Variants in INPP4A observed in about 807,000 individuals in gnomAD.
The protein encoded by INPP4A is inositol polyphosphate-4-phosphatase type I A.
A neutral mutation model predicts 119.8 loss-of-function variants in INPP4A; 33 were observed. That is an observed-to-expected ratio of 0.28 (90% CI 0.21 to 0.37). The LOEUF (loss-of-function observed/expected upper bound fraction) is 0.37. Ranked by LOEUF, INPP4A falls within the 10% of genes least tolerant of loss-of-function variation. The pLI is 1.00. For synonymous variants in INPP4A, 496 were observed against 500.7 expected (o/e 0.99, Z 0.12); for missense variants, 956 against 1,289.9 (o/e 0.74, Z 3.97).
chr2:98,448,370 A>T (rs986849072), intron 1 of INPP4A, among the ~76,000 whole-genome samples: 10 of 151,940 alleles, frequency 6.6e-5, no homozygotes, highest in Non-Finnish European at 1.0e-4. Flanking sequence ...AAAAAAAAAA[A>T]AAAATCATGA....
intron 16 of INPP4A, among the ~76,000 whole-genome samples, chr2:98,559,046 G>A (rs915349321): frequency 6.6e-6 from 1 of 152,224 alleles, no homozygotes; most frequent in Non-Finnish European, 1.5e-5. Context: ...GGAACACGCC[G>A]TGTACTGGTC....
intron 1 of INPP4A, among the ~76,000 whole-genome samples, chr2:98,497,944 T>C (rs1168071200): frequency 6.6e-6 from 1 of 152,236 alleles, no homozygotes; most frequent in Non-Finnish European, 1.5e-5. Context: ...TGCACCCCCA[T>C]TGTATCTAGA....
chr2:98,568,655 T>C lies in INPP4A; in HGVS notation c.2505T>C (p.Val835=), dbSNP rs756120796. 1 of 1,579,118 alleles carries C rather than the reference T, an allele frequency of 6.3e-7. No homozygotes were observed. Among genetic ancestry groups the C allele is most frequent in the African/African-American group, 1.3e-5 (1 of 74,478 alleles). The change falls in exon 22 of 25, where the codon GTT becomes GTC. Residue 835 remains valine, a synonymous_variant. Coordinates refer to ENST00000409851, the MANE Select transcript of INPP4A (RefSeq NM_001134225.2). ...LNSYFEQFKE[V]LPEDCLPRSR... ...CCTACTTTGAGCAGTTTAAGGAAGTTTTGCCTGAGGATTGTAAGTATTTCT... is the reference window on the plus strand; with the variant it reads ...CCTACTTTGAGCAGTTTAAGGAAGTCTTGCCTGAGGATTGTAAGTATTTCT...
At chr2:98,446,685 A>C (rs1694248889) in intron 1 of INPP4A, among the ~76,000 whole-genome samples, 1 of 152,160 alleles carries the variant, frequency 6.6e-6, no homozygotes, top group African/African-American at 2.4e-5. Flanking sequence ...CTTACTCATC[A>C]TGTAGCTACT....
At chr2:98,446,176 G>T (rs1694159631) in intron 1 of INPP4A, among the ~76,000 whole-genome samples, 1 of 152,208 alleles carries the variant, frequency 6.6e-6, no homozygotes, top group Non-Finnish European at 1.5e-5. Flanking sequence ...TTTTTGCTGA[G>T]TTTGTTTTGG....
chr2:98,576,727 A>G (rs1311037960), intron 23 of INPP4A, among the ~76,000 whole-genome samples: 9 of 152,230 alleles, frequency 5.9e-5, no homozygotes, highest in Admixed American at 5.9e-4. Context: ...AAGGCAGGCC[A>G]CACAGGGGAT....
intron 4 of INPP4A, among the ~76,000 whole-genome samples, chr2:98,522,283 T>A: frequency 7.3e-6 from 1 of 137,550 alleles, no homozygotes. Context: ...CGAGACTCTG[T>A]CTCAAAAAAA....
At chr2:98,497,882 C>G (rs1490505193) in intron 1 of INPP4A, among the ~76,000 whole-genome samples, 2 of 152,176 alleles carry the variant, frequency 1.3e-5, no homozygotes, top group Non-Finnish European at 2.9e-5. Flanking sequence ...CCGGTAGCCC[C>G]TTTATTTTGG....
chr2:98,491,401 G>A (rs938540984), intron 1 of INPP4A, among the ~76,000 whole-genome samples: 1 of 152,170 alleles, frequency 6.6e-6, no homozygotes. Flanking sequence ...CTCACCATTG[G>A]CTCTTCTTTT....
intron 10 of INPP4A, among the ~76,000 whole-genome samples, chr2:98,542,346 A>G (rs1378839233): frequency 6.6e-6 from 1 of 152,260 alleles, no homozygotes; most frequent in Non-Finnish European, 1.5e-5. Flanking sequence ...AAAACAATTT[A>G]GACAAGTCAG....
In INPP4A at chr2:98,572,921, T is replaced by C. The variant is rs1373217709; in HGVS notation, c.2625T>C (p.Ala875=). Residue 875 remains alanine, a synonymous_variant, in exon 23 of 25, where the codon GCT becomes GCC. Coordinates refer to ENST00000409851, the MANE Select transcript of INPP4A (RefSeq NM_001134225.2). ...AGAACGTCGACATTCTCTGGCAAGC[T>C]GCTGAGGTACTGGTTACAGAGAGGA... The part of the protein sequence containing the change: ...KNKNVDILWQ[A]AEICRRLNGV... The C allele has an allele frequency of 2.0e-5, 31 of 1,568,640 alleles. No individual in the cohort carries two copies. Among genetic ancestry groups the C allele is most frequent in the African/African-American group, 2.7e-5 (2 of 73,728 alleles).
intron 2 of INPP4A, chr2:98,519,272 G>A (rs1453362033): frequency 6.6e-6 from 1 of 152,252 alleles, no homozygotes; most frequent in Non-Finnish European, 1.5e-5. Context: ...GCTTAATCTA[G>A]TTCTGAGAGC....
intron 1 of INPP4A, among the ~76,000 whole-genome samples, chr2:98,482,122 T>C (rs796170197): frequency 1.3e-5 from 2 of 152,362 alleles, no homozygotes; most frequent in African/African-American, 4.8e-5. Context: ...ATAAATATAA[T>C]TTTTTAAACT....
intron 1 of INPP4A, among the ~76,000 whole-genome samples, chr2:98,451,611 C>T (rs550964515): frequency 3.3e-5 from 5 of 152,244 alleles, no homozygotes; most frequent in African/African-American, 1.2e-4. Flanking sequence ...ACCCCCTGCC[C>T]CTTTCCTGCC....
At position 98,554,234 on chromosome 2, in the gene INPP4A, C is replaced by T. The variant is rs1017531550; in HGVS notation, c.1348-37C>T. The T allele has an allele frequency of 2.0e-6, 3 of 1,528,678 alleles. No homozygotes were observed. The African/African-American group carries it at 4.1e-5, about 21-fold the overall frequency. 94.7% of individuals were successfully genotyped at this position (1,528,678 alleles called of 1,614,324 possible). Reference sequence around the variant, plus strand: ...AGGCAGGGGCCTCCCCAGCCCCTGGCCTGGGCTCAGCAGCCTTGGTTTGTG... The same window carrying T: ...AGGCAGGGGCCTCCCCAGCCCCTGGTCTGGGCTCAGCAGCCTTGGTTTGTG... On this transcript the variant is annotated intron_variant, in intron 14 of 24. Transcript: ENST00000409851. This position sits in a 1 kb window ranked among gnomAD's most constrained non-coding sequence, Gnocchi z 4.7.
At chr2:98,537,430 G>C (rs1204676146) in intron 7 of INPP4A, among the ~76,000 whole-genome samples, 2 of 152,206 alleles carry the variant, frequency 1.3e-5, no homozygotes, top group Admixed American at 1.3e-4. Flanking sequence ...TTAGGCCTTG[G>C]GCTAATATAA....
Position 98,537,991 on chromosome 2 carries a change from T to C in INPP4A, c.579+17T>C. The C allele has an allele frequency of 6.7e-7, 1 of 1,493,150 alleles. No homozygotes were observed. The highest frequency in any genetic ancestry group is 9.3e-7 in the Non-Finnish European group (1 of 1,077,158). 92.5% of individuals were successfully genotyped at this position (1,493,150 alleles called of 1,614,324 possible). On this transcript the variant is annotated intron_variant, in intron 8 of 24. Coordinates refer to ENST00000409851, the MANE Select transcript of INPP4A (RefSeq NM_001134225.2). ...AATGGGAGGGTGAGTTACACCACTT[T>C]CCTCCTCTCCCTTAGAAAGAGCAAG...
intron 24 of INPP4A, among the ~76,000 whole-genome samples, chr2:98,580,806 A>G (rs1385902651): frequency 2.0e-5 from 3 of 152,198 alleles, no homozygotes; most frequent in Non-Finnish European, 4.4e-5. Context: ...TGGCAGACAT[A>G]AATGTGCTTC....
chr2:98,471,019 G>T (rs777574094), intron 1 of INPP4A, among the ~76,000 whole-genome samples: 2 of 152,242 alleles, frequency 1.3e-5, no homozygotes, highest in African/African-American at 2.4e-5. Context: ...ATAGGTTTCA[G>T]TGTGGTTTTA....
Sources: allele counts gnomAD v4.1 joint callset (sites outside exome capture counted in the v4.1 genomes callset), GRCh38; gene constraint gnomAD v4.1.1; non-coding constraint Gnocchi (gnomAD v3.1); transcripts MANE v1.5; gene names NCBI Gene and HGNC (gene_info 2026-07-23, HGNC 2026-07-21).